Variants in FBXO25 observed in about 807,000 individuals in gnomAD.
FBXO25 encodes the protein F-box protein 25, also known as F-box only protein 25.
Under a neutral mutation model 51.9 loss-of-function variants are expected in FBXO25, and 45 were observed. The ratio of observed to expected loss-of-function variants is 0.87; its 90% CI spans 0.68 to 1.11. The LOEUF is 1.11. Among genes scored for constraint, FBXO25 ranks in the 50% most tolerant of loss-of-function variants. The pLI is 0.00. For missense variants in FBXO25, 507 were observed against 428.5 expected (o/e 1.18, Z -1.62); for synonymous variants, 199 against 151.0 (o/e 1.32, Z -2.33).
At chr8:451,534 C>G (rs560350551) in intron 7 of FBXO25, 81 bp downstream of exon 7, 9 of 1,279,796 alleles carry the variant, frequency 7.0e-6, no homozygotes, top group East Asian at 2.4e-5. Context: ...ACATGAAAGA[C>G]TGCTATAGCT....
At chr8:412,890 T>C (rs996335822) in intron 1 of FBXO25, among the ~76,000 whole-genome samples, 183 bp from the exon 2 acceptor site, 1 of 152,200 alleles carries the variant, frequency 6.6e-6, no homozygotes, top group Admixed American at 6.5e-5. Flanking sequence ...CTTACCCCAT[T>C]TGATCACTTT....
At chr8:467,808 C>T in intron 9 of FBXO25, 1 of 1,602,086 alleles carries the variant, frequency 6.2e-7, no homozygotes, top group East Asian at 2.2e-5. Flanking sequence ...CGTGCTGCAT[C>T]TCATGCACGT....
chr8:467,814 C>A (rs566148545), intron 9 of FBXO25: 205 of 1,604,416 alleles, frequency 1.3e-4, no homozygotes, highest in Non-Finnish European at 1.7e-4. Context: ...GCATCTCATG[C>A]ACGTCATCTT....
At chr8:460,841 GTCT>G (rs1372544652) in intron 8 of FBXO25, among the ~76,000 whole-genome samples, 1 of 152,172 alleles carries the variant, frequency 6.6e-6, no homozygotes, top group African/African-American at 2.4e-5. Flanking sequence ...TTTGCAAGTA[GTCT>G]TCTTTTCAAA....
chr8:449,642 C>G (rs1379884825), intron 5 of FBXO25, among the ~76,000 whole-genome samples: 2 of 152,168 alleles, frequency 1.3e-5, no homozygotes, highest in African/African-American at 4.8e-5. Flanking sequence ...TCATTCTAGC[C>G]TCTTTCTGGT....
chr8:409,943 A>G (rs1254026853), intron 1 of FBXO25, among the ~76,000 whole-genome samples: 3 of 151,970 alleles, frequency 2.0e-5, no homozygotes, highest in Non-Finnish European at 4.4e-5. Context: ...AACTTTCTCC[A>G]TTTTATCCCA....
At chr8:432,446 A>G (rs1797872067) in intron 3 of FBXO25, among the ~76,000 whole-genome samples, 1 of 152,184 alleles carries the variant, frequency 6.6e-6, no homozygotes, top group South Asian at 2.1e-4. Context: ...CGGGGGGACT[A>G]CTTTATGAAG....
chr8:412,139 G>A (rs1270150559), intron 1 of FBXO25, among the ~76,000 whole-genome samples: 2 of 152,176 alleles, frequency 1.3e-5, no homozygotes, highest in Admixed American at 1.3e-4. Context: ...CATTTTTTAA[G>A]TCATAATTTT....
At chr8:433,731 T>C (rs992279387) in intron 4 of FBXO25, among the ~76,000 whole-genome samples, 53 of 152,350 alleles carry the variant, frequency 3.5e-4, no homozygotes, top group African/African-American at 1.1e-3. Flanking sequence ...AATTACTGTC[T>C]ATCGTATGTT....
intron 2 of FBXO25, among the ~76,000 whole-genome samples, chr8:426,443 A>T (rs111649491): frequency 7.6e-4 from 115 of 152,124 alleles, no homozygotes; most frequent in Admixed American, 1.2e-3. Context: ...TTTTACAGAC[A>T]TGCATTCTTA....
At chr8:409,535 A>G (rs1355795680) in intron 1 of FBXO25, among the ~76,000 whole-genome samples, 1 of 152,220 alleles carries the variant, frequency 6.6e-6, no homozygotes, top group Non-Finnish European at 1.5e-5. Context: ...TGGAAACAGT[A>G]GGCAGGCTCT....
chr8:427,225 A>T (rs55678681), intron 2 of FBXO25, among the ~76,000 whole-genome samples: 1 of 141,712 alleles, frequency 7.1e-6, no homozygotes, highest in Non-Finnish European at 1.6e-5. Context: ...AGCTGACCAA[A>T]ATGTCCTCCA....
intron 1 of FBXO25, among the ~76,000 whole-genome samples, chr8:410,234 A>C (rs1338769496): frequency 6.6e-6 from 1 of 152,210 alleles, no homozygotes; most frequent in Non-Finnish European, 1.5e-5. Context: ...ACATGTAAAC[A>C]CACTTTATTA....
chr8:432,051 T>G (rs1797848708), intron 3 of FBXO25, among the ~76,000 whole-genome samples: 1 of 152,112 alleles, frequency 6.6e-6, no homozygotes, highest in African/African-American at 2.4e-5. Context: ...ATTTATAAAT[T>G]AGGTGCAGTA....
chr8:426,352 T>C (rs904783250), intron 2 of FBXO25, among the ~76,000 whole-genome samples: 6 of 152,212 alleles, frequency 3.9e-5, no homozygotes, highest in African/African-American at 1.2e-4. Context: ...ATATCTTAAA[T>C]ATGTTACTGA....
In FBXO25 at chr8:473,664, A is replaced by C. The variant is rs1417968818; in HGVS notation, c.*4860A>C. On this transcript the variant is annotated 3_prime_UTR_variant, in exon 10 of 10. Coordinates refer to ENST00000350302, the MANE Select transcript of FBXO25 (RefSeq NM_183420.2). ...AGCAGGAGAAGGCACTGCTGGTGCC[A>C]CAGGGGTCCTGGGCTGGCTCTTGGA... The C allele has an allele frequency of 6.6e-6, 1 of 152,210 alleles. No homozygotes were observed. The highest frequency in any genetic ancestry group is 6.5e-5 in the Admixed American group (1 of 15,286). 9.4% of individuals were successfully genotyped at this position (152,210 alleles called of 1,614,324 possible). A position where few individuals can be genotyped will look rare whatever the true frequency, so the allele number is the denominator to read the frequency against.
At chr8:455,579 G>T (rs73669389) in intron 7 of FBXO25, among the ~76,000 whole-genome samples, 5,961 of 152,052 alleles carry the variant, frequency 0.039, 329 homozygotes, top group African/African-American at 0.12. Flanking sequence ...CTGTATCTCT[G>T]TTTTTTTTCT....
chr8:464,464 T>A (rs1410680287), intron 9 of FBXO25, among the ~76,000 whole-genome samples: 1 of 152,254 alleles, frequency 6.6e-6, no homozygotes, highest in African/African-American at 2.4e-5. Flanking sequence ...CTGGTCTAGA[T>A]GAGGCCCTGC....
intron 5 of FBXO25, among the ~76,000 whole-genome samples, chr8:437,931 T>C (rs979152299): frequency 4.6e-5 from 7 of 152,186 alleles, no homozygotes; most frequent in Non-Finnish European, 1.0e-4. Context: ...CTCAGTATTA[T>C]TAGAATACCT....
Sources: gnomAD v4.1 joint callset for allele counts (sites outside exome capture counted in the v4.1 genomes callset) on GRCh38, gnomAD v4.1.1 for gene constraint, MANE v1.5 for transcripts, NCBI Gene and HGNC (gene_info 2026-07-23, HGNC 2026-07-21) for gene names.